TTC27: variants seen among roughly 807,000 people sequenced by gnomAD.
TTC27 encodes the protein tetratricopeptide repeat domain 27.
Under a neutral mutation model 115.9 loss-of-function variants are expected in TTC27, and 79 were observed. The observed-to-expected ratio is 0.68, with a 90% CI of 0.57 to 0.82. TTC27 has a LOEUF of 0.82. Ranked by LOEUF, TTC27 falls within the 40% of genes least tolerant of loss-of-function variation. The pLI, the probability that TTC27 is intolerant of heterozygous loss-of-function variation, is 0.00. For missense variants in TTC27, 1,054 were observed against 993.1 expected (o/e 1.06, Z -0.82); for synonymous variants, 401 against 356.0 (o/e 1.13, Z -1.42).
intron 8 of TTC27, among the ~76,000 whole-genome samples, chr2:32,675,445 G>A (rs959890958): frequency 2.0e-5 from 3 of 152,104 alleles, no homozygotes; most frequent in Non-Finnish European, 4.4e-5. Context: ...CTGGATACTT[G>A]TTTTTCCCAA....
intron 5 of TTC27, among the ~76,000 whole-genome samples, chr2:32,661,234 A>G (rs1665536253): frequency 6.6e-6 from 1 of 151,994 alleles, no homozygotes; most frequent in Non-Finnish European, 1.5e-5. Flanking sequence ...TTTGCTTAGG[A>G]TTGTCTTGGC....
At chr2:32,746,927 A>T (rs551378491) in intron 12 of TTC27, among the ~76,000 whole-genome samples, 3 of 152,232 alleles carry the variant, frequency 2.0e-5, no homozygotes, top group Non-Finnish European at 4.4e-5. Context: ...AAGAAGAGGT[A>T]TAAGATCTCA....
intron 9 of TTC27, among the ~76,000 whole-genome samples, chr2:32,684,807 A>G (rs1666572715): frequency 6.6e-6 from 1 of 151,878 alleles, no homozygotes; most frequent in Non-Finnish European, 1.5e-5. Flanking sequence ...ACCTCACAGT[A>G]TAGAGGAACA....
chr2:32,725,117 G>A (rs1300968793), intron 10 of TTC27, among the ~76,000 whole-genome samples: 2 of 152,262 alleles, frequency 1.3e-5, no homozygotes, highest in African/African-American at 2.4e-5. Context: ...CCCACAACAT[G>A]TGGGAATTCA....
At chr2:32,673,099 G>A (rs1220526386) in intron 8 of TTC27, among the ~76,000 whole-genome samples, 1 of 151,254 alleles carries the variant, frequency 6.6e-6, no homozygotes, top group African/African-American at 2.4e-5. Context: ...GTCTGGAATA[G>A]TTCCTCATTT....
At chr2:32,690,969 A>G (rs900571346) in intron 9 of TTC27, among the ~76,000 whole-genome samples, 4 of 152,208 alleles carry the variant, frequency 2.6e-5, no homozygotes, top group African/African-American at 9.6e-5. Context: ...AATCACGCAC[A>G]GGAGAGCTCT....
At chr2:32,628,462 C>A in intron 1 of TTC27, 82 bp downstream of exon 1, 1 of 1,313,168 alleles carries the variant, frequency 7.6e-7, no homozygotes, top group Non-Finnish European at 1.0e-6. Context: ...CTCATCCCTC[C>A]CTTCATTTTT....
At chr2:32,630,426 T>C in intron 1 of TTC27, 97 bp from the exon 2 acceptor site, 1 of 920,762 alleles carries the variant, frequency 1.1e-6, no homozygotes, top group East Asian at 2.5e-5. Context: ...TAGATTGTTT[T>C]TGCACACTAA....
intron 10 of TTC27, among the ~76,000 whole-genome samples, chr2:32,728,010 C>T (rs1215403938): frequency 6.6e-6 from 1 of 150,560 alleles, no homozygotes; most frequent in Non-Finnish European, 1.5e-5. Flanking sequence ...GCATGATAGC[C>T]ATCTGGGCCT....
chr2:32,799,550 A>G (rs1167800888), intron 16 of TTC27, among the ~76,000 whole-genome samples: 1 of 152,246 alleles, frequency 6.6e-6, no homozygotes, highest in Admixed American at 6.5e-5. Flanking sequence ...AATTAGGAAT[A>G]GGGAATGGAA....
chr2:32,712,490 T>A (rs1343307765), intron 10 of TTC27, among the ~76,000 whole-genome samples: 6 of 152,136 alleles, frequency 3.9e-5, no homozygotes, highest in African/African-American at 1.4e-4. Flanking sequence ...ACCAGTGGAG[T>A]ATAAAATAGT....
chr2:32,714,118 C>A (rs369909370), intron 10 of TTC27, among the ~76,000 whole-genome samples: 1 of 150,658 alleles, frequency 6.6e-6, no homozygotes, highest in Non-Finnish European at 1.5e-5. Context: ...TTTAGGGTTG[C>A]GTAGTATTCC....
chr2:32,695,726 A>G (rs1326744638), intron 9 of TTC27, among the ~76,000 whole-genome samples: 1 of 141,532 alleles, frequency 7.1e-6, no homozygotes, highest in Admixed American at 7.1e-5. Context: ...CTCAAAAAAA[A>G]AAAAAAAAAA....
intron 10 of TTC27, among the ~76,000 whole-genome samples, chr2:32,711,841 G>C (rs1269122095): frequency 6.6e-6 from 1 of 152,130 alleles, no homozygotes; most frequent in Non-Finnish European, 1.5e-5. Context: ...TCAGGAAGCT[G>C]AGGCAGGAGA....
At chr2:32,798,740 G>A (rs1349837890) in intron 16 of TTC27, among the ~76,000 whole-genome samples, 1 of 147,768 alleles carries the variant, frequency 6.8e-6, no homozygotes, top group Non-Finnish European at 1.5e-5. Context: ...ATAATAATAA[G>A]TGTTGACAAG....
At chr2:32,685,981 G>A (rs1025546169) in intron 9 of TTC27, among the ~76,000 whole-genome samples, 2 of 152,130 alleles carry the variant, frequency 1.3e-5, no homozygotes, top group Non-Finnish European at 2.9e-5. Context: ...GAACATGAAA[G>A]CTACTAGAAC....
chr2:32,671,107 A>G (rs753604595), intron 7 of TTC27, among the ~76,000 whole-genome samples: 1 of 152,178 alleles, frequency 6.6e-6, no homozygotes, highest in East Asian at 1.9e-4. Flanking sequence ...TAATTTATGA[A>G]GTTTTTCTCT....
chr2:32,659,032 A>G (rs1296049664), intron 5 of TTC27, among the ~76,000 whole-genome samples: 2 of 152,170 alleles, frequency 1.3e-5, no homozygotes, highest in Non-Finnish European at 2.9e-5. Context: ...TGGCATGATC[A>G]TAACTCACTG....
At chr2:32,720,439 A>G (rs1667884958) in intron 10 of TTC27, among the ~76,000 whole-genome samples, 1 of 152,222 alleles carries the variant, frequency 6.6e-6, no homozygotes, top group Non-Finnish European at 1.5e-5. Flanking sequence ...TGGCACTTCA[A>G]TAATCTGAGA....
Sources: allele counts gnomAD v4.1 joint callset (sites outside exome capture counted in the v4.1 genomes callset), GRCh38; gene constraint gnomAD v4.1.1; transcripts MANE v1.5; gene names NCBI Gene and HGNC (gene_info 2026-07-23, HGNC 2026-07-21).